Variants in MTMR9 observed in about 807,000 individuals in gnomAD.
MTMR9 encodes myotubularin related protein 9, also known as myotubularin-related protein 9.
In MTMR9, 39 loss-of-function variants were observed where a neutral mutation model predicts 69.5. That is an observed-to-expected ratio of 0.56 (90% CI 0.43 to 0.73). MTMR9 has a LOEUF of 0.73. Among genes scored for constraint, MTMR9 ranks in the 30% least tolerant of loss-of-function variants. The pLI is 0.00. For missense variants in MTMR9, 900 were observed against 671.2 expected (o/e 1.34, Z -3.77); for synonymous variants, 354 against 240.8 (o/e 1.47, Z -4.35).
intron 2 of MTMR9, among the ~76,000 whole-genome samples, chr8:11,297,451 TA>T (rs1799600503): frequency 6.6e-6 from 1 of 152,184 alleles, no homozygotes; most frequent in African/African-American, 2.4e-5. Flanking sequence ...TAAATTGAAA[TA>T]ATGTCCCACT....
In MTMR9 at chr8:11,309,398, G is replaced by A. The variant is rs1585124680; in HGVS notation, c.810-129G>A. On this transcript the variant is annotated intron_variant, in intron 5 of 9. Transcript: ENST00000221086. ...AACCTTTAATCCTCAAATTATAGCA[G>A]GGTAAATATTTTTATAGTATTTTGA... The A allele has an allele frequency of 8.1e-6, 6 of 740,750 alleles. No homozygotes were observed. The South Asian group carries it at 1.0e-4, about 13-fold the overall frequency. 45.9% of individuals were successfully genotyped at this position (740,750 alleles called of 1,614,324 possible).
At chr8:11,295,448 C>T (rs2245937) in intron 2 of MTMR9, 146 bp downstream of exon 2, 360,714 of 593,684 alleles carry the variant, frequency 0.61, 114,048 homozygotes, top group East Asian at 0.87. Context: ...CCTGGTTCAT[C>T]GTCATATGAG....
At chr8:11,332,281 G>A (rs1801268037), downstream of MTMR9, 4 of 1,214,984 alleles carry the variant, frequency 3.3e-6, no homozygotes. Context: ...GAGATGTTCA[G>A]TTATAATAAA....
chr8:11,330,934 A>G (rs1801192748), downstream of MTMR9: 1 of 1,107,864 alleles, frequency 9.0e-7, no homozygotes, highest in Non-Finnish European at 1.2e-6. Flanking sequence ...AAAAAGAAAG[A>G]AAGAAAGAAA....
In MTMR9 at chr8:11,327,552, C is replaced by G. The variant is rs763796562; in HGVS notation, c.*4764C>G. 2.0e-5 allele frequency: 3 copies of G among 152,508 alleles called. No homozygotes were observed. Among genetic ancestry groups the G allele is most frequent in the Admixed American group, 2.0e-4 (3 of 15,282 alleles). The allele number at this position is 152,508 out of a possible 1,614,324, so 9.4% of individuals were successfully genotyped here. On this transcript the variant is annotated 3_prime_UTR_variant, in exon 10 of 10. Transcript: ENST00000221086. ...CTAAATCTCATTGTTTAAAACCTTA[C>G]TGATCTAATACCATCTACACAAAAA...
intron 1 of MTMR9, among the ~76,000 whole-genome samples, chr8:11,285,977 G>A: frequency 9.0e-6 from 1 of 111,636 alleles, no homozygotes; most frequent in South Asian, 2.8e-4. Context: ...TTTTGGAGAC[G>A]AAATCTCACT....
chr8:11,314,873 G>A, intron 6 of MTMR9, 50 bp from the exon 7 acceptor site: 2 of 1,581,376 alleles, frequency 1.3e-6, no homozygotes, highest in South Asian at 2.2e-5. Flanking sequence ...AGAGTTCATT[G>A]ACCATGTTGG....
At chr8:11,332,267 T>C (rs1801267672), downstream of MTMR9, 1 of 1,290,636 alleles carries the variant, frequency 7.7e-7, no homozygotes, top group East Asian at 2.6e-5. Context: ...CACATTATAA[T>C]ATTGAGATGT....
chr8:11,295,456 G>C (rs1799521785), intron 2 of MTMR9, among the ~76,000 whole-genome samples, 154 bp downstream of exon 2: 1 of 151,986 alleles, frequency 6.6e-6, no homozygotes, highest in Non-Finnish European at 1.5e-5. Flanking sequence ...ATCGTCATAT[G>C]AGTGTAATGG....
chr8:11,285,935 T>G (rs1799134957), intron 1 of MTMR9, among the ~76,000 whole-genome samples: 1 of 144,058 alleles, frequency 6.9e-6, no homozygotes, highest in Non-Finnish European at 1.5e-5. Flanking sequence ...AATAATAATC[T>G]CTTTCTTTCT....
chr8:11,293,375 G>T (rs1409376719), intron 1 of MTMR9, among the ~76,000 whole-genome samples: 1 of 152,174 alleles, frequency 6.6e-6, no homozygotes, highest in Non-Finnish European at 1.5e-5. Flanking sequence ...AGATTAAAAA[G>T]TTTATAAAGT....
intron 6 of MTMR9, among the ~76,000 whole-genome samples, chr8:11,311,614 C>T (rs1800200807): frequency 6.6e-6 from 1 of 152,204 alleles, no homozygotes; most frequent in Admixed American, 6.5e-5. Context: ...GTTATTGGCC[C>T]TGGTAGAGGG....
In MTMR9 at chr8:11,315,016, C is replaced by G. The variant is rs1451628304; in HGVS notation, c.1065C>G (p.Ser355Arg). The G allele has an allele frequency of 1.2e-6, 2 of 1,613,990 alleles. No homozygotes were observed. Among genetic ancestry groups the G allele is most frequent in the East Asian group, 2.2e-5 (1 of 44,878 alleles). Reference sequence around the variant, plus strand: ...CCCAGATCATCTTAGAGCCAAGAAGCAGGACCATTCGTGGTTTTGAGGCCC... The same window carrying G: ...CCCAGATCATCTTAGAGCCAAGAAGGAGGACCATTCGTGGTTTTGAGGCCC... ...SLAQIILEPR[S>R]RTIRGFEALI... Residue 355 changes from serine to arginine, a missense_variant, in exon 7 of 10, where the codon AGC becomes AGG. By Grantham distance (110) the Ser-to-Arg change is moderately radical. Coordinates refer to ENST00000221086, the MANE Select transcript of MTMR9 (RefSeq NM_015458.4).
At position 11,300,015 on chromosome 8, in the gene MTMR9, G is replaced by A; in HGVS notation, c.292-8G>A. ...TCTTTTTTGTCTTTCTTTTCTTTTT[G>A]CCCCCAGGCATTGTCTACTCTGGAC... On this transcript the variant is annotated splice_region_variant and splice_polypyrimidine_tract_variant and intron_variant, in intron 2 of 9. Coordinates refer to ENST00000221086, the MANE Select transcript of MTMR9 (RefSeq NM_015458.4). The A allele has an allele frequency of 6.3e-7, 1 of 1,597,438 alleles. No individual in the cohort carries two copies. Among genetic ancestry groups the A allele is most frequent in the African/African-American group, 1.4e-5 (1 of 73,640 alleles).
At chr8:11,293,844 T>C (rs1203143080) in intron 1 of MTMR9, among the ~76,000 whole-genome samples, 6 of 152,170 alleles carry the variant, frequency 3.9e-5, no homozygotes, top group Admixed American at 3.9e-4. Flanking sequence ...TGTCTTCGTA[T>C]CTCTGTTCAC....
intron 1 of MTMR9, 84 bp downstream of exon 1, chr8:11,285,154 C>G: frequency 7.6e-7 from 1 of 1,324,296 alleles, no homozygotes; most frequent in South Asian, 1.5e-5. Flanking sequence ...GCGTTTTCCG[C>G]GCAGCCTGCC....
chr8:11,331,272 C>T (rs768716558), downstream of MTMR9: 1 of 1,613,982 alleles, frequency 6.2e-7, no homozygotes, highest in Non-Finnish European at 8.5e-7. Context: ...CTTCGTGGGC[C>T]CCCTTTCTCG....
At chr8:11,306,052 C>A (rs1206494791) in intron 4 of MTMR9, 138 bp from the exon 5 acceptor site, 1 of 680,072 alleles carries the variant, frequency 1.5e-6, no homozygotes, top group Non-Finnish European at 2.5e-6. Flanking sequence ...GCAAATATTT[C>A]TTTGTTTATG....
At chr8:11,332,242 G>T, downstream of MTMR9, 5 of 1,209,592 alleles carry the variant, frequency 4.1e-6, no homozygotes, top group Non-Finnish European at 5.7e-6. Flanking sequence ...AAGAGTGAAA[G>T]TCTAACTTCC....
Sources: allele counts gnomAD v4.1 joint callset (sites outside exome capture counted in the v4.1 genomes callset), GRCh38; gene constraint gnomAD v4.1.1; transcripts MANE v1.5; gene names NCBI Gene and HGNC (gene_info 2026-07-23, HGNC 2026-07-21).